The following PPM1H variants were observed in gnomAD, a reference collection of about 807,000 sequenced individuals.
PPM1H encodes the protein protein phosphatase, Mg2+/Mn2+ dependent 1H.
PPM1H carries 27 observed loss-of-function variants against 54.9 expected under a neutral mutation model. That is an observed-to-expected ratio of 0.49 (90% CI 0.36 to 0.68). PPM1H has a LOEUF of 0.68. Ranked by LOEUF, PPM1H falls within the 30% of genes least tolerant of loss-of-function variation. The probability of loss-of-function intolerance (pLI) is 0.00; values close to 1 mark genes in which losing one functional copy is unlikely to be tolerated. For synonymous variants in PPM1H, 305 were observed against 270.8 expected, an observed-to-expected ratio of 1.13 and a Z score of -1.24; for missense variants, 596 against 667.8, an observed-to-expected ratio of 0.89 and a Z score of 1.19.
intron 1 of PPM1H, among the ~76,000 whole-genome samples, chr12:62,833,834 T>A (rs1232976828): frequency 1.3e-5 from 2 of 152,196 alleles, no homozygotes; most frequent in Non-Finnish European, 2.9e-5. Context: ...AAATGCAAGT[T>A]GACATATTTT....
At chr12:62,693,493 C>T (rs1049056383) in intron 7 of PPM1H, among the ~76,000 whole-genome samples, 3 of 152,204 alleles carry the variant, frequency 2.0e-5, no homozygotes, top group South Asian at 4.1e-4. Flanking sequence ...GCACCACATC[C>T]GCAGCTGCCC....
chr12:62,861,860 A>G (rs894128383), intron 1 of PPM1H, among the ~76,000 whole-genome samples: 3 of 152,244 alleles, frequency 2.0e-5, no homozygotes, highest in African/African-American at 4.8e-5. Context: ...AATATGGCTC[A>G]GTGTTACCAA....
intron 4 of PPM1H, among the ~76,000 whole-genome samples, chr12:62,765,770 A>C (rs1479059899): frequency 2.0e-5 from 3 of 152,180 alleles, no homozygotes; most frequent in Admixed American, 1.3e-4. Flanking sequence ...GAAGACCTCA[A>C]GGAAGAAGTG....
intron 9 of PPM1H, 118 bp downstream of exon 9, chr12:62,667,060 T>C: frequency 3.4e-6 from 4 of 1,173,134 alleles, no homozygotes; most frequent in Non-Finnish European, 4.7e-6. Flanking sequence ...GTTTGGTTAC[T>C]GTACCGTCCA....
At chr12:62,653,294 TCTC>T (rs1313133723) in intron 9 of PPM1H, among the ~76,000 whole-genome samples, 5 of 152,202 alleles carry the variant, frequency 3.3e-5, no homozygotes, top group Non-Finnish European at 7.3e-5. Flanking sequence ...GGATATTGCC[TCTC>T]CTCTATTTTG....
rs193184811 is a variant in PPM1H at position 62,911,278 on chromosome 12, G to A, written c.245+23214C>T. Among the ~76,000 whole-genome samples, 174 of 152,274 alleles carry A rather than the reference G, an allele frequency of 1.1e-3. 2 individuals are homozygous for A. In the South Asian group the frequency reaches 0.03, roughly 27 times the overall value. ...TTCCCCCAACAATATGACAAGATCTGAAATTATACGAGTTTGTCAAATTTT... is the reference window on the plus strand; with the variant it reads ...TTCCCCCAACAATATGACAAGATCTAAAATTATACGAGTTTGTCAAATTTT... On this transcript the variant is annotated intron_variant, in intron 1 of 9. Coordinates refer to ENST00000228705, the MANE Select transcript of PPM1H (RefSeq NM_020700.2).
At chr12:62,865,673 T>C (rs1869749912) in intron 1 of PPM1H, among the ~76,000 whole-genome samples, 1 of 152,124 alleles carries the variant, frequency 6.6e-6, no homozygotes. Flanking sequence ...ATTTTTTTTA[T>C]TTCTAGTAGA....
At chr12:62,750,272 C>T (rs1485197722) in intron 4 of PPM1H, among the ~76,000 whole-genome samples, 1 of 152,120 alleles carries the variant, frequency 6.6e-6, no homozygotes, top group Non-Finnish European at 1.5e-5. Context: ...TTTTAGTAGC[C>T]ACTCCCCATC....
At chr12:62,890,697 TATC>T (rs1302071191) in intron 1 of PPM1H, among the ~76,000 whole-genome samples, 3 of 146,754 alleles carry the variant, frequency 2.0e-5, no homozygotes, top group East Asian at 2.0e-4. Context: ...ATATATATAA[TATC>T]ATTTCGTGTG....
chr12:62,786,065 G>A (rs2076669054), intron 4 of PPM1H, among the ~76,000 whole-genome samples: 2 of 152,164 alleles, frequency 1.3e-5, no homozygotes, highest in Admixed American at 6.5e-5. Flanking sequence ...AGTGGGCCAG[G>A]AAGCAAACTC....
intron 4 of PPM1H, among the ~76,000 whole-genome samples, chr12:62,756,590 AAG>A (rs1389033837): frequency 6.6e-6 from 1 of 152,156 alleles, no homozygotes; most frequent in Non-Finnish European, 1.5e-5. Flanking sequence ...ATCATCTACA[AAG>A]AGGTGGTCCA....
In PPM1H at chr12:62,873,416, C is replaced by T. The variant is rs118027233; in HGVS notation, c.246-41137G>A. ...GGGATATCACAGGGCAAAGCAATGA[C>T]GTTAAGGACAAGAAGGCACTCTACC... On this transcript the variant is annotated intron_variant, in intron 1 of 9. Transcript: ENST00000228705. Among the ~76,000 whole-genome samples, 504 of 152,288 alleles carry T rather than the reference C, an allele frequency of 3.3e-3. 2 individuals are homozygous for T. Among genetic ancestry groups the T allele is most frequent in the Middle Eastern group, 0.01 (3 of 294 alleles).
chr12:62,661,640 G>A (rs973634180), intron 9 of PPM1H, among the ~76,000 whole-genome samples: 5 of 152,134 alleles, frequency 3.3e-5, no homozygotes, highest in East Asian at 1.9e-4. Flanking sequence ...CAAGGGATCC[G>A]CCTGCCTTGG....
chr12:62,848,412 A>T lies in PPM1H; in HGVS notation c.246-16133T>A, dbSNP rs79420315. On this transcript the variant is annotated intron_variant, in intron 1 of 9. Transcript: ENST00000228705. ...CCACAACTTAATAAAACACAATACT[A>T]AATGACTACAAATGCAATCTAGGAC... Among the ~76,000 whole-genome samples the T allele has an allele frequency of 7.4e-3, 1,128 of 152,322 alleles. 3 individuals carry two copies. The highest frequency in any genetic ancestry group is 0.013 in the African/African-American group (542 of 41,574).
At chr12:62,707,463 C>T (rs567259578) in intron 6 of PPM1H, among the ~76,000 whole-genome samples, 1 of 152,260 alleles carries the variant, frequency 6.6e-6, no homozygotes, top group South Asian at 2.1e-4. Context: ...CCAGGCTGCC[C>T]AGCGCTCTTT....
intron 2 of PPM1H, among the ~76,000 whole-genome samples, chr12:62,818,821 CTTTT>C (rs771501305): frequency 7.4e-6 from 1 of 135,826 alleles, no homozygotes; most frequent in Non-Finnish European, 1.6e-5. Flanking sequence ...TTTTCTTTTT[CTTTT>C]TTTTTTTTTT....
rs1872275191 is a variant in PPM1H, at chr12:62,934,806, G to T, written c.-70C>A. The T allele has an allele frequency of 3.0e-6, 4 of 1,322,638 alleles. No individual in the cohort carries two copies. Among genetic ancestry groups the T allele is most frequent in the Admixed American group, 7.6e-5 (2 of 26,462 alleles). 81.9% of individuals were successfully genotyped at this position (1,322,638 alleles called of 1,614,324 possible). ...GGGGCCGGGCAAGGCGCAGCGCGGG[G>T]CATGCAGGCTGCGGTGGGCGCCGGG... On this transcript the variant is annotated 5_prime_UTR_variant, in exon 1 of 10. Transcript: ENST00000228705. The surrounding 1 kb of genome is among the most constrained non-coding windows in gnomAD (Gnocchi z 4.2).
chr12:62,897,240 A>T lies in PPM1H; in HGVS notation c.245+37252T>A, dbSNP rs192437074. Among the ~76,000 whole-genome samples the T allele has an allele frequency of 3.1e-3, 475 of 151,712 alleles. 3 individuals carry two copies. The highest frequency in any genetic ancestry group is 0.011 in the African/African-American group (454 of 41,078). On this transcript the variant is annotated intron_variant, in intron 1 of 9. Coordinates refer to ENST00000228705, the MANE Select transcript of PPM1H (RefSeq NM_020700.2). ...ATTGTGCACATGTACCCTAGAACTT[A>T]AAGTATAATAAAAAAAAATTGCCAG...
intron 9 of PPM1H, 91 bp from the exon 10 acceptor site, chr12:62,648,727 A>AGTT: frequency 7.2e-7 from 1 of 1,383,352 alleles, no homozygotes; most frequent in Non-Finnish European, 9.9e-7. Context: ...GCATCACTAC[A>AGTT]GTTGTATAAA....
Sources: gnomAD v4.1 joint callset for allele counts (sites outside exome capture counted in the v4.1 genomes callset) on GRCh38, gnomAD v4.1.1 for gene constraint, Gnocchi (gnomAD v3.1) non-coding constraint, MANE v1.5 for transcripts, NCBI Gene and HGNC (gene_info 2026-07-23, HGNC 2026-07-21) for gene names.